CAPN2: variants seen among roughly 807,000 people sequenced by gnomAD.
The protein encoded by CAPN2 is calpain-2 catalytic subunit.
CAPN2 carries 92 observed loss-of-function variants against 102.3 expected under a neutral mutation model. The observed-to-expected ratio is 0.90, with a 90% confidence interval of 0.76 to 1.07. The LOEUF (loss-of-function observed/expected upper bound fraction) is 1.07. Among genes scored for constraint, CAPN2 ranks in the 50% least tolerant of loss-of-function variants. The pLI is 0.00. For missense variants in CAPN2, 800 were observed against 909.4 expected (o/e 0.88, Z 1.55); for synonymous variants, 340 against 355.4 (o/e 0.96, Z 0.49).
intron 2 of CAPN2, among the ~76,000 whole-genome samples, chr1:223,720,195 C>T: frequency 6.6e-6 from 1 of 152,138 alleles, no homozygotes; most frequent in East Asian, 1.9e-4. Flanking sequence ...TCAGACACCC[C>T]CTATGAGTTT....
rs1473429754 is a variant in CAPN2, at chr1:223,727,667, A to C, written c.307+9836A>C. On this transcript the variant is annotated intron_variant, in intron 2 of 20. Coordinates refer to ENST00000295006, the MANE Select transcript of CAPN2 (RefSeq NM_001748.5). The surrounding 1 kb of genome is among the most constrained non-coding windows in gnomAD (Gnocchi z 4.1). ...TTCCAGCATTGCTTCAATCTAATCC[A>C]GCCGCAAGTATGAGTAAATACTGTA... is the stretch of plus-strand genomic sequence containing the variant. Among the ~76,000 whole-genome samples, 1 of 152,222 alleles carries C rather than the reference A, an allele frequency of 6.6e-6. No individual in the cohort carries two copies.
chr1:223,711,601 C>T (rs911524567), upstream of CAPN2, among the ~76,000 whole-genome samples: 1 of 147,144 alleles, frequency 6.8e-6, no homozygotes, highest in African/African-American at 2.6e-5. Context: ...GTTTTATTGG[C>T]CAAATCATTT....
Position 223,737,204 on chromosome 1 carries a change from G to A in CAPN2, c.308-6896G>A, listed in dbSNP as rs557714637. Among the ~76,000 whole-genome samples, 14 of 152,290 alleles carry A rather than the reference G, an allele frequency of 9.2e-5. No individual in the cohort carries two copies. The East Asian group carries it at 2.7e-3, about 29-fold the overall frequency. ...TGGGCTTTTTCTGGAGAGGAAGCAA[G>A]GCAGAAAACCCCTCCATTTTCCATC... On this transcript the variant is annotated intron_variant, in intron 2 of 20. Transcript: ENST00000295006.
In CAPN2 at chr1:223,747,170, G is replaced by GCTCCA; in HGVS notation, c.729+5_729+6insCTCCA. ...CTCCTTGGCTGCTCCATCGACGTAA[G>GCTCCA]TCCAGGCTGCCTTCCCTAGCCTCAC... is the stretch of plus-strand genomic sequence containing the variant. On this transcript the variant is annotated splice_donor_region_variant and intron_variant, in intron 5 of 20. Coordinates refer to ENST00000295006, the MANE Select transcript of CAPN2 (RefSeq NM_001748.5). The GCTCCA allele has an allele frequency of 2.5e-6, 4 of 1,610,480 alleles. No individual in the cohort carries two copies. The highest frequency in any genetic ancestry group is 3.4e-6 in the Non-Finnish European group (4 of 1,177,728).
intron 16 of CAPN2, among the ~76,000 whole-genome samples, chr1:223,769,124 T>C (rs1275929905): frequency 2.0e-5 from 3 of 152,082 alleles, no homozygotes; most frequent in Non-Finnish European, 4.4e-5. Context: ...GTTTAGTTGG[T>C]TGGTTGGTTT....
rs1660023402 is a variant in CAPN2, at chr1:223,720,452, A to G, written c.307+2621A>G. On this transcript the variant is annotated intron_variant, in intron 2 of 20. Transcript: ENST00000295006. ...CACCTCAGCCTTCTGAGTACCTGGG[A>G]CTACAGGCACACGCCACCACACCTG... Among the ~76,000 whole-genome samples, 3 of 150,746 alleles carry G rather than the reference A, an allele frequency of 2.0e-5. No homozygotes were observed. In the South Asian group the frequency reaches 6.3e-4, roughly 31 times the overall value.
intron 15 of CAPN2, among the ~76,000 whole-genome samples, chr1:223,765,137 T>C (rs1571818054): frequency 6.6e-6 from 1 of 152,332 alleles, no homozygotes; most frequent in East Asian, 1.9e-4. Flanking sequence ...GTTTGCTGCA[T>C]ACCAGCCCTA....
At chr1:223,758,231 T>C (rs1385626606) in intron 11 of CAPN2, 1 of 152,184 alleles carries the variant, frequency 6.6e-6, no homozygotes, top group African/African-American at 2.4e-5. Flanking sequence ...ATGACTTAAA[T>C]TTTGCGAGAG....
chr1:223,729,335 A>G (rs1660273550), intron 2 of CAPN2, among the ~76,000 whole-genome samples: 1 of 152,206 alleles, frequency 6.6e-6, no homozygotes, highest in African/African-American at 2.4e-5. Flanking sequence ...ATTTTGCCCA[A>G]CTGTAGGCTA....
chr1:223,745,504 C>T, intron 4 of CAPN2, 65 bp downstream of exon 4: 3 of 1,591,416 alleles, frequency 1.9e-6, no homozygotes, highest in Non-Finnish European at 2.6e-6. Flanking sequence ...AAAAAATTCA[C>T]TCATGCCTGT....
At chr1:223,771,748 G>C (rs1428483577) in intron 18 of CAPN2, 61 bp from the exon 19 acceptor site, 1 of 1,025,542 alleles carries the variant, frequency 9.8e-7, no homozygotes, top group Non-Finnish European at 1.5e-6. Flanking sequence ...TAGCCTGTGA[G>C]CGCAGCTAAA....
At chr1:223,750,062 C>T (rs1395826360) in intron 6 of CAPN2, among the ~76,000 whole-genome samples, 2 of 152,138 alleles carry the variant, frequency 1.3e-5, no homozygotes, top group Non-Finnish European at 2.9e-5. Flanking sequence ...AGAACCCAGT[C>T]TAGACCGCAG....
At chr1:223,747,726 G>C (rs1486273825) in intron 5 of CAPN2, among the ~76,000 whole-genome samples, 3 of 152,180 alleles carry the variant, frequency 2.0e-5, no homozygotes, top group Admixed American at 2.0e-4. Flanking sequence ...GCAGGTGAGG[G>C]AACTTCAGAG....
chr1:223,763,706 G>A (rs1375754533), intron 14 of CAPN2, among the ~76,000 whole-genome samples: 1 of 152,158 alleles, frequency 6.6e-6, no homozygotes, highest in Non-Finnish European at 1.5e-5. Flanking sequence ...TGGGTAGAGG[G>A]GAGTATTTAT....
chr1:223,759,151 C>G lies in CAPN2; in HGVS notation c.1318-119C>G. 2.1e-6 allele frequency: 2 copies of G among 939,750 alleles called. No homozygotes were observed. The highest frequency in any genetic ancestry group is 1.4e-5 in the South Asian group (1 of 71,242). The allele number at this position is 939,750 out of a possible 1,614,324, so 58.2% of individuals were successfully genotyped here. On this transcript the variant is annotated intron_variant, in intron 11 of 20. Coordinates refer to ENST00000295006, the MANE Select transcript of CAPN2 (RefSeq NM_001748.5). The surrounding 1 kb of genome is among the most constrained non-coding windows in gnomAD (Gnocchi z 4.6). ...ACGCCTGGCCTCGCCTCCTTATACA[C>G]CAGGACAGCAGGACTGAGCCACCAC...
At chr1:223,735,256 A>G (rs974223638) in intron 2 of CAPN2, among the ~76,000 whole-genome samples, 2 of 152,200 alleles carry the variant, frequency 1.3e-5, no homozygotes, top group African/African-American at 2.4e-5. Context: ...GGCTGGGCGC[A>G]GTGGCTCATG....
chr1:223,705,762 CAT>C (rs1200330118), intron 1 of CAPN2, among the ~76,000 whole-genome samples: 1 of 152,222 alleles, frequency 6.6e-6, no homozygotes, highest in Non-Finnish European at 1.5e-5. Context: ...TTTGCTGCCA[CAT>C]GTCAAGTACT....
Position 223,747,906 on chromosome 1 carries a change from C to T in CAPN2, c.729+741C>T, listed in dbSNP as rs555244799. On this transcript the variant is annotated intron_variant, in intron 5 of 20. Coordinates refer to ENST00000295006, the MANE Select transcript of CAPN2 (RefSeq NM_001748.5). ...CCATTATTGCTCATCACCTGGAAGC[C>T]AAGGGTTGCTAGGCAAAAGTCAAGC... 5.9e-5 allele frequency among the ~76,000 whole-genome samples: 9 copies of T among 152,288 alleles called. No homozygotes were observed. The South Asian group carries it at 6.2e-4, about 11-fold the overall frequency.
At chr1:223,748,809 G>C (rs1558071205) in intron 5 of CAPN2, among the ~76,000 whole-genome samples, 1 of 152,252 alleles carries the variant, frequency 6.6e-6, no homozygotes, top group Non-Finnish European at 1.5e-5. Context: ...CGTTCCGCGA[G>C]AGGGTTGCAT....
Sources: allele counts gnomAD v4.1 joint callset (sites outside exome capture counted in the v4.1 genomes callset), GRCh38; gene constraint gnomAD v4.1.1; non-coding constraint Gnocchi (gnomAD v3.1); transcripts MANE v1.5; gene names NCBI Gene and HGNC (gene_info 2026-07-23, HGNC 2026-07-21).